Variants in GRIK2 observed in about 807,000 individuals in gnomAD.
The protein encoded by GRIK2 is glutamate receptor ionotropic, kainate 2.
Under a neutral mutation model 100.3 loss-of-function variants are expected in GRIK2, and 32 were observed. The observed-to-expected ratio is 0.32, with a 90% CI of 0.24 to 0.43. GRIK2 has a LOEUF of 0.43. Ranked by LOEUF, GRIK2 falls within the 20% of genes least tolerant of loss-of-function variation. The probability of loss-of-function intolerance (pLI) is 1.00; values close to 1 mark genes in which losing one functional copy is unlikely to be tolerated. For missense variants in GRIK2, 843 were observed against 1,114.9 expected, an observed-to-expected ratio of 0.76 and a Z score of 3.47; for synonymous variants, 417 against 389.4, an observed-to-expected ratio of 1.07 and a Z score of -0.83.
chr6:101,900,531 A>G (rs1418620072), intron 12 of GRIK2, among the ~76,000 whole-genome samples: 2 of 152,158 alleles, frequency 1.3e-5, no homozygotes, highest in African/African-American at 4.8e-5. Flanking sequence ...ATTTCCAAAC[A>G]TATTTCAGTT....
At chr6:101,408,547 G>C (rs2579932) in intron 2 of GRIK2, among the ~76,000 whole-genome samples, 13,731 of 152,040 alleles carry the variant, frequency 0.09, 655 homozygotes, top group South Asian at 0.14. Flanking sequence ...GGTCCAGGAA[G>C]ATTCAGTGTT....
At chr6:101,472,683 G>T (rs756434827) in intron 2 of GRIK2, among the ~76,000 whole-genome samples, 66 of 151,612 alleles carry the variant, frequency 4.4e-4, no homozygotes, top group Non-Finnish European at 8.6e-4. Context: ...TTTTTGAGTA[G>T]GCACAATACA....
chr6:101,480,895 G>T (rs529414272), intron 2 of GRIK2, among the ~76,000 whole-genome samples: 1 of 152,250 alleles, frequency 6.6e-6, no homozygotes, highest in South Asian at 2.1e-4. Flanking sequence ...GAAATTGAAA[G>T]CAGTAAAAAA....
At chr6:101,616,894 A>G (rs888329201) in intron 2 of GRIK2, among the ~76,000 whole-genome samples, 1 of 151,596 alleles carries the variant, frequency 6.6e-6, no homozygotes, top group Admixed American at 6.6e-5. Flanking sequence ...ATTATTTATG[A>G]ATATTATCTA....
chr6:101,669,877 G>A (rs963053443), intron 4 of GRIK2, among the ~76,000 whole-genome samples: 5 of 151,882 alleles, frequency 3.3e-5, no homozygotes, highest in African/African-American at 1.2e-4. Context: ...CAGGGAATAA[G>A]GAAAGCAAAG....
chr6:101,632,332 G>A (rs992935385), intron 4 of GRIK2, among the ~76,000 whole-genome samples: 1 of 152,076 alleles, frequency 6.6e-6, no homozygotes. Flanking sequence ...TGAGCAGGGT[G>A]AACCCTAAGG....
At chr6:101,706,608 G>A (rs2128356032) in intron 7 of GRIK2, among the ~76,000 whole-genome samples, 1 of 152,082 alleles carries the variant, frequency 6.6e-6, no homozygotes, top group African/African-American at 2.4e-5. Context: ...AGAATAGACA[G>A]TTTTCAGACC....
At chr6:101,510,510 G>GTTTTTTTTT (rs142391999) in intron 2 of GRIK2, among the ~76,000 whole-genome samples, 1 of 94,366 alleles carries the variant, frequency 1.1e-5, no homozygotes, top group Non-Finnish European at 2.0e-5. Context: ...CAGTTGGGGA[G>GTTTTTTTTT]TTTTTTTTTT....
At chr6:101,739,980 C>T (rs1775918011) in intron 7 of GRIK2, among the ~76,000 whole-genome samples, 1 of 152,160 alleles carries the variant, frequency 6.6e-6, no homozygotes, top group South Asian at 2.1e-4. Context: ...TAGTTGCTCA[C>T]CTATGAAATG....
In GRIK2 at chr6:101,928,620, G is replaced by A. The variant is rs1790063224; in HGVS notation, c.2073G>A (p.Met691Ile). Residue 691 changes from methionine (M) to isoleucine (I), a missense_variant, in exon 14 of 17, where the codon ATG (methionine) becomes ATA (isoleucine). Around this residue, in one of 3 missense-constraint regions of GRIK2, gnomAD observed 237 missense variants for 388.0 expected, o/e 0.61. Coordinates refer to ENST00000369134, the MANE Select transcript of GRIK2 (RefSeq NM_021956.5). ...EYGAVEDGAT[M>I]TFFKKSKIST... ...GAGCAGTAGAGGATGGTGCAACCAT[G>A]ACTTTTTTCAAGGTAAGTTCTGCTG... The A allele has an allele frequency of 5.1e-6, 8 of 1,570,314 alleles. No individual in the cohort carries two copies. In the East Asian group the frequency reaches 1.8e-4, roughly 35 times the overall value.
chr6:102,003,789 T>A lies in GRIK2; in HGVS notation c.2086-31552T>A, dbSNP rs1795067651. Among the ~76,000 whole-genome samples, 3 of 151,742 alleles carry A rather than the reference T, an allele frequency of 2.0e-5. No homozygotes were observed. The South Asian group carries it at 6.2e-4, about 31-fold the overall frequency. On this transcript the variant is annotated intron_variant, in intron 14 of 16. Transcript: ENST00000369134. The stretch of plus-strand genomic sequence containing the variant: ...AAACCAATAAGTATCTAATAATTGT[T>A]CCTTTTAATTGATATAATTTCCTTT...
intron 12 of GRIK2, among the ~76,000 whole-genome samples, chr6:101,892,367 T>A (rs1787161927): frequency 6.6e-6 from 1 of 152,168 alleles, no homozygotes; most frequent in South Asian, 2.1e-4. Flanking sequence ...TGGATGGATA[T>A]GCACTTATCT....
At chr6:101,665,496 G>A (rs1214666048) in intron 4 of GRIK2, among the ~76,000 whole-genome samples, 1 of 152,176 alleles carries the variant, frequency 6.6e-6, no homozygotes, top group Non-Finnish European at 1.5e-5. Flanking sequence ...CACTGAATAT[G>A]GTTTCACCTA....
chr6:102,018,151 G>C (rs1436401665), intron 14 of GRIK2, among the ~76,000 whole-genome samples: 1 of 152,084 alleles, frequency 6.6e-6, no homozygotes, highest in Non-Finnish European at 1.5e-5. Context: ...TAATAATGTA[G>C]TGGGAAGATA....
intron 4 of GRIK2, among the ~76,000 whole-genome samples, chr6:101,671,126 G>A (rs938992546): frequency 6.6e-6 from 1 of 152,094 alleles, no homozygotes; most frequent in Non-Finnish European, 1.5e-5. Context: ...ATAATTTTGT[G>A]AGAATGATAG....
chr6:101,672,473 A>G (rs1770512722), intron 4 of GRIK2, among the ~76,000 whole-genome samples: 1 of 151,668 alleles, frequency 6.6e-6, no homozygotes, highest in Non-Finnish European at 1.5e-5. Context: ...TTCCATCCAC[A>G]TTTTTTCTGC....
At chr6:102,035,720 T>C (rs1770234577) in intron 15 of GRIK2, among the ~76,000 whole-genome samples, 154 bp downstream of exon 15, 1 of 151,460 alleles carries the variant, frequency 6.6e-6, no homozygotes, top group Non-Finnish European at 1.5e-5. Context: ...GGTTATCATT[T>C]TGGACATATT....
chr6:101,539,123 A>T (rs1318016067), intron 2 of GRIK2, among the ~76,000 whole-genome samples: 1 of 151,790 alleles, frequency 6.6e-6, no homozygotes, highest in African/African-American at 2.4e-5. Flanking sequence ...ACTTCATACC[A>T]TTAGTTAGAT....
chr6:101,433,080 G>A (rs1052061874), intron 2 of GRIK2, among the ~76,000 whole-genome samples: 1 of 152,122 alleles, frequency 6.6e-6, no homozygotes, highest in Non-Finnish European at 1.5e-5. Flanking sequence ...ACCTCACCCT[G>A]AGGCTTTAGA....
Sources: gnomAD v4.1 joint callset for allele counts (sites outside exome capture counted in the v4.1 genomes callset) on GRCh38, gnomAD v4.1.1 for gene constraint, gnomAD v4.1.1 regional missense constraint, MANE v1.5 for transcripts, NCBI Gene and HGNC (gene_info 2026-07-23, HGNC 2026-07-21) for gene names.